Variants in FAM20C observed in about 807,000 individuals in gnomAD.
FAM20C encodes the protein FAM20C golgi associated secretory pathway kinase.
Under a neutral mutation model 51.5 loss-of-function variants are expected in FAM20C, and 40 were observed. That is an observed-to-expected ratio of 0.78 (90% CI 0.60 to 1.01). The LOEUF is 1.01. Ranked by LOEUF, FAM20C falls within the 50% of genes least tolerant of loss-of-function variation. The probability of loss-of-function intolerance (pLI) is 0.00; values close to 1 mark genes in which losing one functional copy is unlikely to be tolerated. For synonymous variants in FAM20C, 406 were observed against 380.6 expected (o/e 1.07, Z -0.78); for missense variants, 861 against 844.7 (o/e 1.02, Z -0.24).
chr7:213,488 G>C (rs992334314), intron 3 of FAM20C, among the ~76,000 whole-genome samples: 36 of 152,350 alleles, frequency 2.4e-4, no homozygotes, highest in African/African-American at 8.4e-4. Context: ...AACGCTCATC[G>C]GTGCTGCAGC....
At chr7:194,799 G>A (rs917841926) in intron 1 of FAM20C, among the ~76,000 whole-genome samples, 7 of 146,392 alleles carry the variant, frequency 4.8e-5, no homozygotes, top group Non-Finnish European at 7.4e-5. Flanking sequence ...CGTGTCCACC[G>A]CAGGACAGAG....
chr7:217,092 C>T (rs1034939209), intron 3 of FAM20C, among the ~76,000 whole-genome samples: 4 of 152,144 alleles, frequency 2.6e-5, no homozygotes, highest in African/African-American at 2.4e-5. Context: ...CTCTACCGAG[C>T]GAAGGGGCCC....
In FAM20C at chr7:248,357, G is replaced by A; in HGVS notation, c.999G>A (p.Met333Ile). 6.5e-7 allele frequency: 1 copy of A among 1,537,178 alleles called. No homozygotes were observed. The change falls in exon 5 of 10, where the codon ATG becomes ATA. Residue 333 changes from methionine (M) to isoleucine (I), a missense_variant. Transcript: ENST00000313766. ...FRRVPPVAGR[M>I]VNMTKEIRDV... ...GGGTCCCTCCCGTGGCCGGCAGGAT[G>A]GTCAACATGACCAAGGAGATCCGGG...
chr7:213,564 C>T (rs1477612742), intron 3 of FAM20C, among the ~76,000 whole-genome samples: 1 of 152,006 alleles, frequency 6.6e-6, no homozygotes, highest in African/African-American at 2.4e-5. Flanking sequence ...TTCATTCTTT[C>T]CTCTGTTGAC....
At chr7:207,373 T>C (rs71536278) in intron 2 of FAM20C, among the ~76,000 whole-genome samples, 13,088 of 70,378 alleles carry the variant, frequency 0.19, 3,683 homozygotes, top group Non-Finnish European at 0.21. Context: ...TCGGTCACTG[T>C]CCCCTTGGCC....
chr7:236,835 C>T (rs1029294050), intron 3 of FAM20C, among the ~76,000 whole-genome samples: 7 of 150,438 alleles, frequency 4.7e-5, no homozygotes, highest in African/African-American at 1.5e-4. Flanking sequence ...GGGTTTCATG[C>T]GGAGGTGAGG....
intron 7 of FAM20C, 33 bp downstream of exon 7, chr7:256,796 C>T: frequency 1.3e-6 from 2 of 1,523,454 alleles, no homozygotes; most frequent in East Asian, 4.9e-5. Context: ...GTCCCCGTGT[C>T]ACTCGCCTTG....
chr7:248,223 C>G (rs1788246685), intron 4 of FAM20C, 92 bp from the exon 5 acceptor site: 1 of 892,578 alleles, frequency 1.1e-6, no homozygotes, highest in Admixed American at 2.2e-5. Context: ...GAGCACAGAC[C>G]CTCCCCTGCC....
rs1267203909 is a variant in FAM20C at position 192,675 on chromosome 7, C to G, written c.-525C>G. Among the ~76,000 whole-genome samples, 54 of 149,408 alleles carry G rather than the reference C, an allele frequency of 3.6e-4. No individual in the cohort carries two copies. Among genetic ancestry groups the G allele is most frequent in the Non-Finnish European group, 1.3e-4 (9 of 66,900 alleles). On this transcript the variant is annotated 5_prime_UTR_variant, in exon 1 of 10. Coordinates refer to ENST00000313766, the MANE Select transcript of FAM20C (RefSeq NM_020223.4). ...CACCCCTTCCGCCCTTCGCCCCCCC[C>G]TTCCCCCCAGCCCCGGTCTCCCGGG... is the stretch of plus-strand genomic sequence containing the variant.
chr7:254,144 G>C (rs1467016514), intron 5 of FAM20C, among the ~76,000 whole-genome samples: 2 of 152,142 alleles, frequency 1.3e-5, no homozygotes, highest in Non-Finnish European at 2.9e-5. Context: ...CGTGGGGTGT[G>C]GTGGGGGCCA....
At chr7:219,083 G>C (rs1328665947) in intron 3 of FAM20C, among the ~76,000 whole-genome samples, 1 of 152,186 alleles carries the variant, frequency 6.6e-6, no homozygotes, top group Non-Finnish European at 1.5e-5. Context: ...GGCCCCTCCT[G>C]GGGTCGTCAC....
rs794726946 is a variant in FAM20C at position 193,803 on chromosome 7, T to A, written c.604T>A (p.Trp202Arg). ...LSPKAAENPD[W>R]PHAGAEGAEF... ...CCCCAAAGCGGCGGAGAACCCGGAC[T>A]GGTGAGTGGGGGCTGGCAGGTGCCC... The change falls in exon 1 of 10, where the codon TGG becomes AGG. Residue 202 changes from tryptophan to arginine, a missense_variant and splice_region_variant. Around this residue, in one of 3 missense-constraint regions of FAM20C, gnomAD observed 561 missense variants for 499.8 expected, o/e 1.12. Coordinates refer to ENST00000313766, the MANE Select transcript of FAM20C (RefSeq NM_020223.4). 1.3e-6 allele frequency: 2 copies of A among 1,555,330 alleles called. No homozygotes were observed. Among genetic ancestry groups the A allele is most frequent in the Non-Finnish European group, 1.7e-6 (2 of 1,149,882 alleles).
chr7:230,419 G>A lies in FAM20C; in HGVS notation c.864-15996G>A, dbSNP rs376306590. ...CCCGTGGCTTAAAGTGCCCCTGTCT[G>A]TGGTTATTTATTACAGCAGAGCCTC... On this transcript the variant is annotated intron_variant, in intron 3 of 9. Transcript: ENST00000313766. 9.6e-5 allele frequency among the ~76,000 whole-genome samples: 14 copies of A among 145,404 alleles called. No homozygotes were observed. The East Asian group carries it at 2.8e-3, about 29-fold the overall frequency.
intron 3 of FAM20C, among the ~76,000 whole-genome samples, chr7:222,224 A>G (rs1787259711): frequency 6.6e-6 from 1 of 152,118 alleles, no homozygotes; most frequent in Non-Finnish European, 1.5e-5. Context: ...TTTGTTTCTT[A>G]GAAAGCTTCT....
chr7:259,592 T>G (rs373284761), intron 9 of FAM20C, 139 bp from the exon 10 acceptor site: 5 of 934,484 alleles, frequency 5.4e-6, no homozygotes, highest in South Asian at 2.0e-5. Context: ...CTCTGTCTTT[T>G]TCTCTCTGTC....
At chr7:248,481 G>C in intron 5 of FAM20C, 51 bp downstream of exon 5, 1 of 1,416,736 alleles carries the variant, frequency 7.1e-7, no homozygotes, top group Non-Finnish European at 9.6e-7. Context: ...CCTGGCACGG[G>C]GGCCCGCATT....
rs140397697 is a variant in FAM20C, at chr7:216,706, AGTGT to A, written c.863+7747_863+7750del. Among the ~76,000 whole-genome samples the A allele has an allele frequency of 1.4e-4, 21 of 148,394 alleles. No homozygotes were observed. The East Asian group carries it at 1.6e-3, about 11-fold the overall frequency. On this transcript the variant is annotated intron_variant, in intron 3 of 9. Transcript: ENST00000313766. ...GAGAGTGTGTGTGTGTGTGAGACAG[AGTGT>A]GTGTGTGTGTGTGTGTCCGTCTACG...
intron 3 of FAM20C, among the ~76,000 whole-genome samples, chr7:233,614 C>G (rs995429938): frequency 6.6e-5 from 10 of 152,176 alleles, no homozygotes; most frequent in Non-Finnish European, 5.9e-5. Flanking sequence ...GGGGTCCCTC[C>G]TCCATCCTGA....
intron 3 of FAM20C, among the ~76,000 whole-genome samples, chr7:237,636 C>T (rs979404775): frequency 0.78 from 118,006 of 151,928 alleles, 46,048 homozygotes; most frequent in African/African-American, 0.87. Flanking sequence ...GTAGCAATGA[C>T]GGTAATGATG....
Sources: allele counts gnomAD v4.1 joint callset (sites outside exome capture counted in the v4.1 genomes callset), GRCh38; gene constraint gnomAD v4.1.1; regional missense constraint gnomAD v4.1.1; transcripts MANE v1.5; gene names NCBI Gene and HGNC (gene_info 2026-07-23, HGNC 2026-07-21).